The following STAU2 variants were observed in gnomAD, a reference collection of about 807,000 sequenced individuals.
STAU2 encodes staufen double-stranded RNA binding protein 2.
Under a neutral mutation model 65.9 loss-of-function variants are expected in STAU2, and 20 were observed. The ratio of observed to expected loss-of-function variants is 0.30; its 90% CI spans 0.21 to 0.44. STAU2 has a LOEUF of 0.44. STAU2 is among the 20% of genes least tolerant of loss of function. The pLI, the probability that STAU2 is intolerant of heterozygous loss-of-function variation, is 1.00. For missense variants in STAU2, 558 were observed against 683.9 expected, an observed-to-expected ratio of 0.82 and a Z score of 2.05; for synonymous variants, 232 against 233.9, an observed-to-expected ratio of 0.99 and a Z score of 0.07.
chr8:73,740,544 T>C lies in STAU2; in HGVS notation c.-196-676A>G, dbSNP rs116874253. Among the ~76,000 whole-genome samples the C allele has an allele frequency of 6.5e-3, 994 of 152,292 alleles. 8 individuals are homozygous for C. The highest frequency in any genetic ancestry group is 8.4e-3 in the Non-Finnish European group (571 of 68,022). ...ACATGGTGTTAAAATACACCCGCTT[T>C]CAATAGGAATGGAGTATCTCATTAA... On this transcript the variant is annotated intron_variant, in intron 1 of 14. Transcript: ENST00000524300.
At chr8:73,692,488 G>A (rs1356292254) in intron 4 of STAU2, among the ~76,000 whole-genome samples, 2 of 152,056 alleles carry the variant, frequency 1.3e-5, no homozygotes, top group Admixed American at 6.6e-5. Context: ...GAGCCACCAC[G>A]CCGGCCCTCC....
intron 5 of STAU2, among the ~76,000 whole-genome samples, chr8:73,678,103 G>A (rs912639950): frequency 6.6e-5 from 10 of 152,212 alleles, no homozygotes; most frequent in Admixed American, 1.3e-4. Flanking sequence ...CTCAATGCAC[G>A]TGAGTCTCTT....
At chr8:73,517,726 T>A (rs1362861233) in intron 13 of STAU2, among the ~76,000 whole-genome samples, 1 of 152,060 alleles carries the variant, frequency 6.6e-6, no homozygotes, top group African/African-American at 2.4e-5. Flanking sequence ...TTATTCATCA[T>A]TTCAGGAAAA....
At chr8:73,746,870 C>T, upstream of STAU2, 1 of 1,193,414 alleles carries the variant, frequency 8.4e-7, no homozygotes, top group Non-Finnish European at 1.0e-6. Flanking sequence ...CGGCTTCCAC[C>T]CCTCGGGCTC....
chr8:73,546,234 T>C (rs938522087), intron 13 of STAU2, among the ~76,000 whole-genome samples: 1 of 146,174 alleles, frequency 6.8e-6, no homozygotes, highest in Non-Finnish European at 1.5e-5. Flanking sequence ...CCCAAAGTAC[T>C]GGGATTACAG....
intron 13 of STAU2, among the ~76,000 whole-genome samples, chr8:73,504,713 G>GA (rs1027833548): frequency 4.1e-4 from 58 of 141,314 alleles, no homozygotes; most frequent in East Asian, 1.2e-3. Context: ...CAGCTGATTT[G>GA]AAAAAAAAAA....
intron 6 of STAU2, among the ~76,000 whole-genome samples, chr8:73,668,480 T>A (rs528613203): frequency 6.6e-5 from 10 of 152,300 alleles, no homozygotes; most frequent in African/African-American, 2.4e-4. Flanking sequence ...GCAATAATAT[T>A]TTTTTATCTG....
At chr8:73,469,715 A>G (rs1166122600) in intron 13 of STAU2, among the ~76,000 whole-genome samples, 1 of 152,156 alleles carries the variant, frequency 6.6e-6, no homozygotes, top group Non-Finnish European at 1.5e-5. Context: ...GCAGATTAAC[A>G]AGTGGCTGCT....
At chr8:73,473,713 A>G (rs1294249339) in intron 13 of STAU2, among the ~76,000 whole-genome samples, 1 of 152,174 alleles carries the variant, frequency 6.6e-6, no homozygotes, top group Non-Finnish European at 1.5e-5. Flanking sequence ...GCCTAGTCTA[A>G]CACCTCCTAA....
intron 13 of STAU2, chr8:73,441,187 T>C (rs563752003): frequency 1.3e-5 from 2 of 152,408 alleles, no homozygotes; most frequent in Non-Finnish European, 2.9e-5. Context: ...TTTATTGCTG[T>C]CTAAAATTCT....
chr8:73,452,232 C>A (rs73686952), intron 13 of STAU2, among the ~76,000 whole-genome samples: 1,745 of 152,224 alleles, frequency 0.011, 31 homozygotes, highest in African/African-American at 0.039. Flanking sequence ...TTCTCTAACT[C>A]TTCTCTCTCT....
intron 5 of STAU2, among the ~76,000 whole-genome samples, chr8:73,673,834 A>T (rs770243715): frequency 6.6e-6 from 1 of 152,118 alleles, no homozygotes; most frequent in Non-Finnish European, 1.5e-5. Context: ...CGATAAAAAC[A>T]AAAGACTGAA....
At chr8:73,453,840 A>G (rs1367264791) in intron 13 of STAU2, among the ~76,000 whole-genome samples, 1 of 151,898 alleles carries the variant, frequency 6.6e-6, no homozygotes, top group African/African-American at 2.4e-5. Context: ...TTGTTTTAAG[A>G]AAGCAAATTC....
chr8:73,535,229 G>A (rs1806101002), intron 13 of STAU2, among the ~76,000 whole-genome samples: 2 of 152,036 alleles, frequency 1.3e-5, no homozygotes, highest in Non-Finnish European at 2.9e-5. Flanking sequence ...AAGTGCAGTG[G>A]CGTGATCTTG....
At chr8:73,736,011 C>T (rs889787021) in intron 3 of STAU2, among the ~76,000 whole-genome samples, 6 of 152,186 alleles carry the variant, frequency 3.9e-5, no homozygotes, top group Admixed American at 1.3e-4. Context: ...TCTCATAATG[C>T]TTCCACTGGG....
intron 6 of STAU2, among the ~76,000 whole-genome samples, chr8:73,640,207 A>G (rs116391822): frequency 0.011 from 1,619 of 152,108 alleles, 24 homozygotes; most frequent in African/African-American, 0.037. Flanking sequence ...CACATCATAT[A>G]CTGTTTACTG....
intron 13 of STAU2, among the ~76,000 whole-genome samples, chr8:73,529,524 CTCTAT>C (rs1236015108): frequency 2.6e-5 from 4 of 152,108 alleles, no homozygotes; most frequent in African/African-American, 9.7e-5. Flanking sequence ...CTTAATGTAG[CTCTAT>C]TCTTTCTCTT....
At chr8:73,475,588 G>A (rs1405531627) in intron 13 of STAU2, among the ~76,000 whole-genome samples, 1 of 152,052 alleles carries the variant, frequency 6.6e-6, no homozygotes, top group Non-Finnish European at 1.5e-5. Context: ...TCTCCTGTAC[G>A]AAAGAAATCA....
intron 13 of STAU2, among the ~76,000 whole-genome samples, chr8:73,447,034 C>T (rs1031747415): frequency 1.6e-4 from 25 of 152,146 alleles, no homozygotes; most frequent in Admixed American, 6.5e-4. Context: ...CTCCGCGTCC[C>T]GGGTTCAAGC....
Sources: allele counts gnomAD v4.1 joint callset (sites outside exome capture counted in the v4.1 genomes callset), GRCh38; gene constraint gnomAD v4.1.1; transcripts MANE v1.5; gene names NCBI Gene and HGNC (gene_info 2026-07-23, HGNC 2026-07-21).